The following CEP162 variants were observed in gnomAD, a reference collection of about 807,000 sequenced individuals.
CEP162 encodes the protein centrosomal protein of 162 kDa.
A neutral mutation model predicts 169.2 loss-of-function variants in CEP162; 141 were observed. The ratio of observed to expected loss-of-function variants is 0.83; its 90% CI spans 0.73 to 0.96. The LOEUF is 0.96. CEP162 is among the 40% of genes least tolerant of loss of function. The pLI is 0.00. For synonymous variants in CEP162, 540 were observed against 526.4 expected (o/e 1.03, Z -0.35); for missense variants, 1,600 against 1,587.2 (o/e 1.01, Z -0.14).
intron 25 of CEP162, among the ~76,000 whole-genome samples, chr6:84,141,265 A>C (rs1309591831): frequency 6.6e-6 from 1 of 151,394 alleles, no homozygotes; most frequent in African/African-American, 2.4e-5. Context: ...TTTTTTTTTC[A>C]ATTTTAAAGG....
At position 84,212,993 on chromosome 6, in the gene CEP162, C is replaced by T. The variant is rs758515035; in HGVS notation, c.535G>A (p.Glu179Lys). The T allele has an allele frequency of 3.2e-6, 5 of 1,554,494 alleles. No individual in the cohort carries two copies. The highest frequency in any genetic ancestry group is 1.7e-4 in the Middle Eastern group (1 of 5,978). The stretch of plus-strand genomic sequence containing the variant: ...TCATGTTTCGATTCATTCTCATGTT[C>T]GTCATCAGTTAGTTCTGCGTTGGCT... ...NQANAELTDDEHENESKHEEL... is the reference protein window; with the variant it reads ...NQANAELTDDKHENESKHEEL... Residue 179 changes from glutamate (E) to lysine (K), a missense_variant, in exon 6 of 27, where the codon GAA becomes AAA. Transcript: ENST00000403245.
At chr6:84,176,411 A>C (rs539487345) in intron 13 of CEP162, among the ~76,000 whole-genome samples, 6 of 152,230 alleles carry the variant, frequency 3.9e-5, no homozygotes, top group Admixed American at 2.0e-4. Context: ...AAAAGTGTTC[A>C]TGAAGAGACT....
intron 13 of CEP162, among the ~76,000 whole-genome samples, chr6:84,175,653 A>G (rs1218259030): frequency 3.3e-5 from 5 of 152,232 alleles, no homozygotes; most frequent in Non-Finnish European, 5.9e-5. Flanking sequence ...AGAGTTTATT[A>G]GTTTTAAATA....
At chr6:84,175,028 A>C in intron 14 of CEP162, 74 bp from the exon 15 acceptor site, 1 of 1,051,620 alleles carries the variant, frequency 9.5e-7, no homozygotes, top group Admixed American at 2.9e-5. Context: ...TAATTAAAAA[A>C]AGAATAAAAA....
intron 11 of CEP162, among the ~76,000 whole-genome samples, chr6:84,188,853 G>A (rs748179047): frequency 2.6e-5 from 4 of 152,114 alleles, no homozygotes; most frequent in Non-Finnish European, 4.4e-5. Flanking sequence ...CCCACCAGCA[G>A]TGTATAAATG....
intron 11 of CEP162, among the ~76,000 whole-genome samples, chr6:84,187,932 A>C (rs1017097582): frequency 2.0e-5 from 3 of 152,202 alleles, no homozygotes; most frequent in African/African-American, 7.2e-5. Context: ...AATAGAAGGA[A>C]TCTAGAAACT....
chr6:84,145,733 G>T (rs1446727657), intron 25 of CEP162, among the ~76,000 whole-genome samples: 1 of 152,028 alleles, frequency 6.6e-6, no homozygotes, highest in Non-Finnish European at 1.5e-5. Flanking sequence ...TGAATGACTT[G>T]ATATAAACTG....
At position 84,171,718 on chromosome 6, in the gene CEP162, C is replaced by A; in HGVS notation, c.2167G>T (p.Glu723Ter). The A allele has an allele frequency of 7.2e-7, 1 of 1,392,996 alleles. No individual in the cohort carries two copies. The highest frequency in any genetic ancestry group is 2.5e-5 in the East Asian group (1 of 39,354). The allele number at this position is 1,392,996 out of a possible 1,614,324, so 86.3% of individuals were successfully genotyped here. The change falls in exon 17 of 27, where the codon GAA (glutamate) becomes TAA (stop). Residue 723 changes from glutamate to a stop codon, truncating the protein, a stop_gained and splice_region_variant. Transcript: ENST00000403245. LOFTEE classifies it high-confidence loss of function. ...QETLLQGYQQ[E>*]NERLYNQVKD... ...ACTTGATTATATAATCGTTCATTTT[C>A]CTTTTTAAAAACAGAAAACTGCATT...
chr6:84,200,295 G>A (rs187120723), intron 9 of CEP162, among the ~76,000 whole-genome samples: 1 of 152,156 alleles, frequency 6.6e-6, no homozygotes, highest in East Asian at 1.9e-4. Context: ...AACTGAAGAT[G>A]TGCATTCCAC....
chr6:84,133,657 T>G (rs1476337482), intron 25 of CEP162, among the ~76,000 whole-genome samples: 2 of 152,206 alleles, frequency 1.3e-5, no homozygotes, highest in African/African-American at 2.4e-5. Context: ...CATTGGACCC[T>G]CTGAGCCATG....
chr6:84,129,899 A>C (rs1174926440), intron 25 of CEP162, among the ~76,000 whole-genome samples: 1 of 151,984 alleles, frequency 6.6e-6, no homozygotes, highest in African/African-American at 2.4e-5. Context: ...TACTAAGTTG[A>C]ATTGAATAGG....
chr6:84,209,039 C>T (rs796376221), intron 6 of CEP162, among the ~76,000 whole-genome samples: 32 of 152,142 alleles, frequency 2.1e-4, no homozygotes, highest in African/African-American at 6.0e-4. Flanking sequence ...TAATAGGAGG[C>T]GCTGTGGTGT....
At chr6:84,201,925 C>G (rs1389880043) in intron 7 of CEP162, among the ~76,000 whole-genome samples, 158 bp from the exon 8 acceptor site, 1 of 152,184 alleles carries the variant, frequency 6.6e-6, no homozygotes, top group Non-Finnish European at 1.5e-5. Context: ...CACTGACTCT[C>G]ATTTATCAAT....
In CEP162 at chr6:84,203,962, A is replaced by G; in HGVS notation, c.687+19T>C. On this transcript the variant is annotated intron_variant, in intron 7 of 26. Transcript: ENST00000403245. Reference sequence around the variant, plus strand: ...GAAAAAAGTTGCAAAACTGTCAAATATATAATTGATATATATACCTGTTTG... The same window carrying G: ...GAAAAAAGTTGCAAAACTGTCAAATGTATAATTGATATATATACCTGTTTG... 6.6e-7 allele frequency: 1 copy of G among 1,507,526 alleles called. No individual in the cohort carries two copies. The highest frequency in any genetic ancestry group is 2.0e-5 in the Admixed American group (1 of 51,160). 93.4% of individuals were successfully genotyped at this position (1,507,526 alleles called of 1,614,324 possible). A position where few individuals can be genotyped will look rare whatever the true frequency, so the allele number is the denominator to read the frequency against.
intron 25 of CEP162, among the ~76,000 whole-genome samples, chr6:84,133,761 A>G (rs2129186532): frequency 6.6e-6 from 1 of 152,268 alleles, no homozygotes; most frequent in African/African-American, 2.4e-5. Context: ...GGTACCGTCT[A>G]TCACAGCTTC....
chr6:84,195,142 A>G, intron 9 of CEP162, 67 bp from the exon 10 acceptor site: 3 of 1,233,170 alleles, frequency 2.4e-6, no homozygotes, highest in Admixed American at 5.5e-5. Context: ...TAAAACACTA[A>G]TATCATTCCT....
intron 16 of CEP162, among the ~76,000 whole-genome samples, chr6:84,173,511 AG>A (rs1416939020): frequency 6.6e-6 from 1 of 152,130 alleles, no homozygotes; most frequent in African/African-American, 2.4e-5. Context: ...GTGATGCCCA[AG>A]GCACACAGCA....
intron 17 of CEP162, among the ~76,000 whole-genome samples, chr6:84,169,901 A>G (rs2099529312): frequency 6.6e-6 from 1 of 152,170 alleles, no homozygotes; most frequent in Non-Finnish European, 1.5e-5. Context: ...GATATTATAG[A>G]AGGAGTTTTG....
chr6:84,192,241 A>T (rs1404117884), intron 11 of CEP162, among the ~76,000 whole-genome samples: 2 of 152,250 alleles, frequency 1.3e-5, no homozygotes, highest in African/African-American at 4.8e-5. Context: ...ACTAAAGATC[A>T]TATTACTGAC....
Sources: allele counts gnomAD v4.1 joint callset (sites outside exome capture counted in the v4.1 genomes callset), GRCh38; gene constraint gnomAD v4.1.1; transcripts MANE v1.5; gene names NCBI Gene and HGNC (gene_info 2026-07-23, HGNC 2026-07-21).